Variants in SEL1L3 observed in about 807,000 individuals in gnomAD.
SEL1L3 encodes the protein protein sel-1 homolog 3.
In SEL1L3, 76 loss-of-function variants were observed where a neutral mutation model predicts 142.8. That is an observed-to-expected ratio of 0.53 (90% CI 0.44 to 0.64). The LOEUF is 0.64. Ranked by LOEUF, SEL1L3 falls within the 30% of genes least tolerant of loss-of-function variation. The pLI is 0.00. For synonymous variants in SEL1L3, 504 were observed against 519.6 expected, an observed-to-expected ratio of 0.97 and a Z score of 0.41; for missense variants, 1,262 against 1,381.7, an observed-to-expected ratio of 0.91 and a Z score of 1.37.
chr4:25,737,934 G>A, the SEL1L3 span, among the ~76,000 whole-genome samples: 1 of 152,020 alleles, frequency 6.6e-6, no homozygotes, highest in Non-Finnish European at 1.5e-5. Flanking sequence ...CTGTCAACCA[G>A]GCTGGAGTGC....
chr4:25,725,936 C>A, the SEL1L3 span, among the ~76,000 whole-genome samples: 1 of 152,190 alleles, frequency 6.6e-6, no homozygotes, highest in Non-Finnish European at 1.5e-5. Flanking sequence ...GGCTGTTCTA[C>A]TGCATCCTGT....
chr4:25,722,199 G>A, the SEL1L3 span, among the ~76,000 whole-genome samples: 15 of 152,252 alleles, frequency 9.9e-5, no homozygotes, highest in Admixed American at 3.3e-4. Context: ...CAAAGGTAAT[G>A]GAAGATGAGT....
chr4:25,798,949 G>A (rs747638906), intron 11 of SEL1L3, among the ~76,000 whole-genome samples: 4 of 152,162 alleles, frequency 2.6e-5, no homozygotes, highest in African/African-American at 7.2e-5. Flanking sequence ...CCTAGAGGCC[G>A]GAAGTTCCTA....
intron 20 of SEL1L3, among the ~76,000 whole-genome samples, chr4:25,764,191 C>G (rs528414344): frequency 2.0e-4 from 30 of 152,266 alleles, no homozygotes; most frequent in African/African-American, 7.0e-4. Flanking sequence ...ACCTAACAAG[C>G]ATTCTTCAAG....
intron 23 of SEL1L3, among the ~76,000 whole-genome samples, chr4:25,749,177 C>A (rs1038468859): frequency 2.0e-5 from 3 of 152,042 alleles, no homozygotes; most frequent in African/African-American, 7.2e-5. Context: ...TTGAGTCTCC[C>A]GGGCCTCGGT....
intron 5 of SEL1L3, among the ~76,000 whole-genome samples, chr4:25,830,666 CAT>C (rs1199440743): frequency 6.6e-6 from 1 of 152,196 alleles, no homozygotes; most frequent in Non-Finnish European, 1.5e-5. Context: ...TTAGCTGTCT[CAT>C]ATGGGCTCTT....
intron 11 of SEL1L3, 77 bp downstream of exon 11, chr4:25,802,206 C>A: frequency 7.4e-7 from 1 of 1,358,466 alleles, no homozygotes; most frequent in Non-Finnish European, 1.0e-6. Context: ...ACTACAAAAG[C>A]AACCACAGGG....
At chr4:25,744,543 G>A (rs551341325), downstream of SEL1L3, among the ~76,000 whole-genome samples, 2 of 152,040 alleles carry the variant, frequency 1.3e-5, no homozygotes, top group Admixed American at 6.6e-5. Context: ...TAGTAGAGAC[G>A]AGGTTTCACC....
At chr4:25,774,597 A>G (rs1719475099) in intron 17 of SEL1L3, among the ~76,000 whole-genome samples, 1 of 152,244 alleles carries the variant, frequency 6.6e-6, no homozygotes, top group East Asian at 1.9e-4. Context: ...GAGGTGGCTC[A>G]TGCCTGTAAT....
intron 11 of SEL1L3, among the ~76,000 whole-genome samples, chr4:25,798,499 A>T (rs1220659543): frequency 7.9e-5 from 12 of 152,116 alleles, no homozygotes; most frequent in Admixed American, 7.9e-4. Flanking sequence ...ACTTGGCCTG[A>T]GGGAGAGGAT....
chr4:25,846,855 G>A (rs552928065), intron 2 of SEL1L3, among the ~76,000 whole-genome samples: 17 of 138,788 alleles, frequency 1.2e-4, no homozygotes, highest in African/African-American at 4.4e-4. Context: ...GTTGCAGTGA[G>A]CCGAGTGAGA....
intron 6 of SEL1L3, among the ~76,000 whole-genome samples, chr4:25,829,799 G>T (rs1413720167): frequency 6.6e-6 from 1 of 152,060 alleles, no homozygotes; most frequent in Non-Finnish European, 1.5e-5. Context: ...ATCCTTCATA[G>T]AAGATAATTT....
chr4:25,835,270 T>G lies in SEL1L3; in HGVS notation c.787A>C (p.Ile263Leu), dbSNP rs932721149. The G allele has an allele frequency of 6.2e-7, 1 of 1,614,026 alleles. No individual in the cohort carries two copies. Among genetic ancestry groups the G allele is most frequent in the East Asian group, 2.2e-5 (1 of 44,882 alleles). Residue 263 changes from isoleucine to leucine, a missense_variant, in exon 3 of 24, where the codon ATT becomes CTT. This residue lies in a region of SEL1L3 where 689 missense variants were observed against 692.8 expected (regional missense o/e 0.99). Transcript: ENST00000399878. The part of the protein sequence containing the change: ...PYASSGENTG[I>L]VKKFPRFRNR... The stretch of plus-strand genomic sequence containing the variant: ...CGAAACCTCGGGAACTTCTTGACAA[T>G]GCCTGTGTTTTCTCCACTGGAGGCA...
chr4:25,775,952 G>T (rs1719586532), intron 17 of SEL1L3, among the ~76,000 whole-genome samples: 1 of 152,186 alleles, frequency 6.6e-6, no homozygotes, highest in Non-Finnish European at 1.5e-5. Context: ...TCTCACCTAA[G>T]ATCCCCTATG....
intron 7 of SEL1L3, among the ~76,000 whole-genome samples, chr4:25,821,413 C>A (rs1714744217): frequency 6.6e-6 from 1 of 152,196 alleles, no homozygotes. Flanking sequence ...ATAGCCCTCT[C>A]CCCCGACCAG....
intron 15 of SEL1L3, among the ~76,000 whole-genome samples, chr4:25,781,299 G>C (rs1239854518): frequency 6.6e-6 from 1 of 152,150 alleles, no homozygotes; most frequent in Non-Finnish European, 1.5e-5. Context: ...GTGTTCAGAA[G>C]GGTGCCTGGC....
At chr4:25,820,939 G>C (rs1351261114) in intron 7 of SEL1L3, among the ~76,000 whole-genome samples, 2 of 152,140 alleles carry the variant, frequency 1.3e-5, no homozygotes, top group Non-Finnish European at 2.9e-5. Context: ...CACCTTGTTG[G>C]CTGGTCTCAA....
At chr4:25,736,213 T>TTGTGTGTGTGTGTGTG in the SEL1L3 span, among the ~76,000 whole-genome samples, 16,649 of 130,326 alleles carry the variant, frequency 0.13, 1,641 homozygotes, top group Non-Finnish European at 0.18. Context: ...TGCCATAAGA[T>TTGTGTGTGTGTGTGTG]TGTGTGTCTG....
At chr4:25,716,984 G>T in the SEL1L3 span, among the ~76,000 whole-genome samples, 2,523 of 151,968 alleles carry the variant, frequency 0.017, 63 homozygotes, top group African/African-American at 0.056. Context: ...AAAATTAGCC[G>T]GGCATGGTAG....
Sources: allele counts gnomAD v4.1 joint callset (sites outside exome capture counted in the v4.1 genomes callset), GRCh38; gene constraint gnomAD v4.1.1; regional missense constraint gnomAD v4.1.1; transcripts MANE v1.5; gene names NCBI Gene and HGNC (gene_info 2026-07-23, HGNC 2026-07-21).